Variants in MAN2A1 observed in about 807,000 individuals in gnomAD.
The protein encoded by MAN2A1 is alpha-mannosidase 2.
Under a neutral mutation model 142.6 loss-of-function variants are expected in MAN2A1, and 76 were observed. The ratio of observed to expected loss-of-function variants is 0.53; its 90% CI spans 0.44 to 0.65. MAN2A1 has a LOEUF of 0.65. Among genes scored for constraint, MAN2A1 ranks in the 30% least tolerant of loss-of-function variants. The pLI is 0.00. For missense variants in MAN2A1, 1,311 were observed against 1,365.1 expected (o/e 0.96, Z 0.62); for synonymous variants, 559 against 473.2 (o/e 1.18, Z -2.35).
intron 7 of MAN2A1, among the ~76,000 whole-genome samples, chr5:109,774,004 A>G (rs1338004570): frequency 6.6e-6 from 1 of 152,202 alleles, no homozygotes; most frequent in African/African-American, 2.4e-5. Context: ...ACTTTCTTAA[A>G]TGATGCCCTA....
rs113661582 is a variant in MAN2A1, at chr5:109,780,510, CTGTGTGTGTGTGTG to C, written c.1375-860_1375-847del. 6.3e-5 allele frequency among the ~76,000 whole-genome samples: 9 copies of C among 143,770 alleles called. No individual in the cohort carries two copies. In the South Asian group the frequency reaches 8.9e-4, roughly 14 times the overall value. The allele number at this position is 143,770 out of a possible 152,430, so 94.3% of individuals were successfully genotyped here. Reference sequence around the variant, plus strand: ...CTTGAATCAAAATGACTTGCAATATCTGTGTGTGTGTGTGTGTGTGTGTGTGTGTGTGTGTGTGT... The same window carrying C: ...CTTGAATCAAAATGACTTGCAATATCTGTGTGTGTGTGTGTGTGTGTGTGT... On this transcript the variant is annotated intron_variant, in intron 8 of 21. Coordinates refer to ENST00000261483, the MANE Select transcript of MAN2A1 (RefSeq NM_002372.4).
At chr5:109,810,186 C>T (rs1012472425) in intron 12 of MAN2A1, among the ~76,000 whole-genome samples, 2 of 152,036 alleles carry the variant, frequency 1.3e-5, no homozygotes, top group African/African-American at 4.8e-5. Context: ...ATATCTGGGT[C>T]ATGTATAGTT....
intron 16 of MAN2A1, chr5:109,840,530 T>C (rs377407885): frequency 2.0e-6 from 1 of 507,862 alleles, no homozygotes; most frequent in East Asian, 5.8e-5. Flanking sequence ...CTTCTTTTCC[T>C]TGGACATGGC....
chr5:109,712,694 T>G lies in MAN2A1; in HGVS notation c.136-826T>G, dbSNP rs556009478. Among the ~76,000 whole-genome samples, 34 of 152,300 alleles carry G rather than the reference T, an allele frequency of 2.2e-4. 1 individual carries two copies. In the South Asian group the frequency reaches 6.0e-3, roughly 27 times the overall value. On this transcript the variant is annotated intron_variant, in intron 1 of 21. Transcript: ENST00000261483. ...TTCAAAGACAGGGGCCCGTATCTTATGCATGTCTTCCTAGCATACATGCCT... is the reference window on the plus strand; with the variant it reads ...TTCAAAGACAGGGGCCCGTATCTTAGGCATGTCTTCCTAGCATACATGCCT...
chr5:109,798,997 C>A (rs1428532329), intron 12 of MAN2A1, among the ~76,000 whole-genome samples: 1 of 152,056 alleles, frequency 6.6e-6, no homozygotes, highest in East Asian at 1.9e-4. Flanking sequence ...CAGCCTCATT[C>A]TGTTTTTTAA....
At chr5:109,740,906 CT>C (rs556975709) in intron 4 of MAN2A1, among the ~76,000 whole-genome samples, 5 of 151,954 alleles carry the variant, frequency 3.3e-5, no homozygotes, top group Admixed American at 2.6e-4. Flanking sequence ...TCCCCTCTCT[CT>C]TTTTTTTATT....
In MAN2A1 at chr5:109,735,878, GT is replaced by G. The variant is rs35796131; in HGVS notation, c.707+6386del. On this transcript the variant is annotated intron_variant, in intron 4 of 21. Coordinates refer to ENST00000261483, the MANE Select transcript of MAN2A1 (RefSeq NM_002372.4). ...TTGACTTTTTATAATTTCCATTGGA[GT>G]TTTTTTTTTTTTTTTTTTTTCCCTC... 9.1e-3 allele frequency among the ~76,000 whole-genome samples: 893 copies of G among 98,396 alleles called. 9 individuals carry two copies. The highest frequency in any genetic ancestry group is 0.031 in the African/African-American group (754 of 24,002). The allele number at this position is 98,396 out of a possible 152,430, so 64.6% of individuals were successfully genotyped here.
intron 1 of MAN2A1, among the ~76,000 whole-genome samples, chr5:109,705,746 C>T (rs1269324961): frequency 1.2e-4 from 19 of 152,202 alleles, no homozygotes. Flanking sequence ...GTCTGCAGAG[C>T]TGCATTCCTT....
At chr5:109,724,150 T>A (rs1358155435) in intron 3 of MAN2A1, among the ~76,000 whole-genome samples, 1 of 152,192 alleles carries the variant, frequency 6.6e-6, no homozygotes, top group Admixed American at 6.5e-5. Flanking sequence ...CATAAGTATA[T>A]GACTAGAAGT....
intron 19 of MAN2A1, among the ~76,000 whole-genome samples, chr5:109,848,452 C>G (rs1421156641): frequency 6.6e-6 from 1 of 152,186 alleles, no homozygotes; most frequent in East Asian, 1.9e-4. Context: ...CTGCACCTGA[C>G]CATTGCAAGT....
chr5:109,832,697 C>T (rs1754946958), intron 16 of MAN2A1, among the ~76,000 whole-genome samples: 1 of 152,218 alleles, frequency 6.6e-6, no homozygotes, highest in Non-Finnish European at 1.5e-5. Flanking sequence ...GTACACCTCC[C>T]AGACAGGGTG....
chr5:109,807,793 G>A (rs1473171778), intron 12 of MAN2A1, among the ~76,000 whole-genome samples: 2 of 152,124 alleles, frequency 1.3e-5, no homozygotes, highest in African/African-American at 4.8e-5. Flanking sequence ...GGGTCATTAT[G>A]CTCCCTATCA....
At chr5:109,829,000 A>G (rs1050400043) in intron 16 of MAN2A1, among the ~76,000 whole-genome samples, 1 of 152,204 alleles carries the variant, frequency 6.6e-6, no homozygotes, top group African/African-American at 2.4e-5. Flanking sequence ...CTAGTTAAAC[A>G]TATTAGGGGA....
chr5:109,793,346 G>C (rs768801650), intron 12 of MAN2A1, among the ~76,000 whole-genome samples: 4 of 152,128 alleles, frequency 2.6e-5, no homozygotes, highest in Non-Finnish European at 4.4e-5. Context: ...AACTCCTTGA[G>C]AGTAGGAATT....
At chr5:109,790,617 C>T (rs1047514154) in intron 12 of MAN2A1, among the ~76,000 whole-genome samples, 1 of 151,934 alleles carries the variant, frequency 6.6e-6, no homozygotes, top group African/African-American at 2.4e-5. Context: ...TTTTCTTTGT[C>T]TTAAAATAAG....
chr5:109,749,990 A>C (rs1333806053), intron 4 of MAN2A1, among the ~76,000 whole-genome samples: 1 of 152,036 alleles, frequency 6.6e-6, no homozygotes, highest in East Asian at 1.9e-4. Flanking sequence ...AGTGGCTTTA[A>C]GTATGGTCCT....
chr5:109,771,778 C>T (rs1753151407), intron 7 of MAN2A1, among the ~76,000 whole-genome samples: 1 of 152,088 alleles, frequency 6.6e-6, no homozygotes, highest in South Asian at 2.1e-4. Context: ...CAGGTATTTA[C>T]ACTACTCTCT....
chr5:109,780,182 C>T (rs1326526394), intron 8 of MAN2A1, among the ~76,000 whole-genome samples: 2 of 151,948 alleles, frequency 1.3e-5, no homozygotes, highest in Non-Finnish European at 2.9e-5. Context: ...CTCAGCCTCC[C>T]GAGTAGCTGG....
intron 16 of MAN2A1, among the ~76,000 whole-genome samples, chr5:109,825,900 C>CTTTTTTT (rs869069525): frequency 2.2e-5 from 2 of 92,184 alleles, no homozygotes; most frequent in Non-Finnish European, 2.1e-5. Flanking sequence ...TCTTTCCTTC[C>CTTTTTTT]TTTTTTTTTT....
Sources: allele counts gnomAD v4.1 joint callset (sites outside exome capture counted in the v4.1 genomes callset), GRCh38; gene constraint gnomAD v4.1.1; transcripts MANE v1.5; gene names NCBI Gene and HGNC (gene_info 2026-07-23, HGNC 2026-07-21).